Variants in TSHZ2 observed in about 807,000 individuals in gnomAD.
The protein encoded by TSHZ2 is teashirt homolog 2.
In TSHZ2, 21 loss-of-function variants were observed where a neutral mutation model predicts 74.4. That is an observed-to-expected ratio of 0.28 (90% CI 0.20 to 0.41). The LOEUF is 0.41. TSHZ2 is among the 10% of genes least tolerant of loss of function. TSHZ2 has a pLI of 1.00. For missense variants in TSHZ2, 1,244 were observed against 1,293.5 expected (o/e 0.96, Z 0.59); for synonymous variants, 540 against 515.3 (o/e 1.05, Z -0.65).
intron 2 of TSHZ2, among the ~76,000 whole-genome samples, chr20:53,431,844 T>A (rs1455914140): frequency 6.6e-6 from 1 of 152,196 alleles, no homozygotes; most frequent in Non-Finnish European, 1.5e-5. Flanking sequence ...AAAATACACA[T>A]AATAAAAACA....
At chr20:53,192,136 C>T (rs1314625298) in intron 1 of TSHZ2, among the ~76,000 whole-genome samples, 1 of 152,060 alleles carries the variant, frequency 6.6e-6, no homozygotes, top group Non-Finnish European at 1.5e-5. Context: ...AATGGAGGCT[C>T]AGAGTGGTTG....
chr20:53,160,745 C>CAAAAAAAAAAAAAAAAAAAAAAAAAAAA (rs10653039), intron 1 of TSHZ2, among the ~76,000 whole-genome samples: 17 of 95,830 alleles, frequency 1.8e-4, no homozygotes, highest in African/African-American at 7.2e-4. Context: ...ACTCTGTCTC[C>CAAAAAAAAAAAAAAAAAAAAAAAAAAAA]AAAAAAAAAA....
intron 2 of TSHZ2, among the ~76,000 whole-genome samples, chr20:53,456,497 T>A (rs1304692773): frequency 7.7e-6 from 1 of 129,924 alleles, no homozygotes; most frequent in African/African-American, 3.1e-5. Context: ...TTTTCTCCCA[T>A]TTTGTAGGTT....
chr20:53,097,488 A>G (rs1221195531), intron 1 of TSHZ2, among the ~76,000 whole-genome samples: 1 of 152,078 alleles, frequency 6.6e-6, no homozygotes, highest in Non-Finnish European at 1.5e-5. Flanking sequence ...CCTAGATCAC[A>G]CTTGTTCTAT....
At chr20:53,118,058 A>G (rs1289675341) in intron 1 of TSHZ2, among the ~76,000 whole-genome samples, 2 of 152,204 alleles carry the variant, frequency 1.3e-5, no homozygotes, top group African/African-American at 4.8e-5. Context: ...CAGTGATGGA[A>G]TTTGCTCTTG....
At chr20:53,348,137 C>A (rs1174684028) in intron 2 of TSHZ2, among the ~76,000 whole-genome samples, 1 of 152,178 alleles carries the variant, frequency 6.6e-6, no homozygotes, top group African/African-American at 2.4e-5. Context: ...CCAGCAATTC[C>A]ATTCCTAGGC....
intron 1 of TSHZ2, among the ~76,000 whole-genome samples, chr20:53,046,296 A>G (rs1380609018): frequency 1.3e-5 from 2 of 151,718 alleles, no homozygotes; most frequent in Admixed American, 6.6e-5. Flanking sequence ...ATGTTCTAGA[A>G]CCCTCCACAG....
chr20:52,982,012 A>T (rs1445077780), intron 1 of TSHZ2, among the ~76,000 whole-genome samples: 1 of 152,220 alleles, frequency 6.6e-6, no homozygotes, highest in African/African-American at 2.4e-5. Context: ...AGGAAAAGAT[A>T]ATTTCAGTAT....
At chr20:53,064,709 A>G (rs200147306) in intron 1 of TSHZ2, among the ~76,000 whole-genome samples, 1 of 112,586 alleles carries the variant, frequency 8.9e-6, no homozygotes, top group African/African-American at 4.0e-5. Flanking sequence ...CACACACACA[A>G]TTGTGTGAAG....
intron 1 of TSHZ2, among the ~76,000 whole-genome samples, chr20:53,157,196 A>G (rs1168148099): frequency 6.6e-6 from 1 of 152,182 alleles, no homozygotes; most frequent in Non-Finnish European, 1.5e-5. Context: ...TATGCTTGAA[A>G]TTTAGTAATT....
At chr20:53,225,054 C>T (rs1989653803) in intron 1 of TSHZ2, among the ~76,000 whole-genome samples, 1 of 152,126 alleles carries the variant, frequency 6.6e-6, no homozygotes, top group Non-Finnish European at 1.5e-5. Context: ...TCCACTCTGC[C>T]CTTGTAGCAC....
chr20:53,284,312 T>C (rs1991122045), intron 2 of TSHZ2, among the ~76,000 whole-genome samples: 1 of 152,210 alleles, frequency 6.6e-6, no homozygotes, highest in Admixed American at 6.5e-5. Flanking sequence ...GCATAGTTAA[T>C]ATTAAAAATG....
intron 1 of TSHZ2, among the ~76,000 whole-genome samples, chr20:53,140,578 G>A (rs1281245812): frequency 2.7e-5 from 4 of 147,420 alleles, no homozygotes; most frequent in Admixed American, 1.3e-4. Flanking sequence ...GGACAGTCAC[G>A]AAGACCTGAA....
intron 1 of TSHZ2, among the ~76,000 whole-genome samples, chr20:53,014,478 G>A (rs1266542819): frequency 6.6e-6 from 1 of 152,128 alleles, no homozygotes; most frequent in Non-Finnish European, 1.5e-5. Context: ...CATTAGTTAT[G>A]AACCAGGAGC....
In TSHZ2 at chr20:53,356,357, T is replaced by C. The variant is rs1361364026; in HGVS notation, c.*8+99786T>C. 2.0e-5 allele frequency among the ~76,000 whole-genome samples: 3 copies of C among 152,298 alleles called. No individual in the cohort carries two copies. In the East Asian group the frequency reaches 5.8e-4, roughly 29 times the overall value. ...CACCAGAGCTTGAAATCTTAACCACTGCCCTACCCTTGAAAGTAGGACTAG... is the reference window on the plus strand; with the variant it reads ...CACCAGAGCTTGAAATCTTAACCACCGCCCTACCCTTGAAAGTAGGACTAG... On this transcript the variant is annotated intron_variant, in intron 2 of 2. Transcript: ENST00000371497.
chr20:53,479,622 G>T (rs1314023573), intron 2 of TSHZ2, among the ~76,000 whole-genome samples: 1 of 152,230 alleles, frequency 6.6e-6, no homozygotes, highest in African/African-American at 2.4e-5. Flanking sequence ...TACAATGTGT[G>T]TTAAACTGTG....
At chr20:53,123,468 T>C (rs1986868016) in intron 1 of TSHZ2, among the ~76,000 whole-genome samples, 1 of 152,192 alleles carries the variant, frequency 6.6e-6, no homozygotes. Context: ...TCAACTATGA[T>C]GGCTAGGACA....
chr20:53,065,123 G>C (rs528375369), intron 1 of TSHZ2, among the ~76,000 whole-genome samples: 1 of 152,126 alleles, frequency 6.6e-6, no homozygotes, highest in Non-Finnish European at 1.5e-5. Flanking sequence ...CATTCGCCTC[G>C]TCTGCAGGAT....
intron 2 of TSHZ2, among the ~76,000 whole-genome samples, chr20:53,325,988 G>A (rs1216919728): frequency 6.6e-6 from 1 of 152,026 alleles, no homozygotes; most frequent in African/African-American, 2.4e-5. Context: ...TTACCATGTT[G>A]GCTAGGCTGG....
Sources: gnomAD v4.1 joint callset for allele counts (sites outside exome capture counted in the v4.1 genomes callset) on GRCh38, gnomAD v4.1.1 for gene constraint, MANE v1.5 for transcripts, NCBI Gene and HGNC (gene_info 2026-07-23, HGNC 2026-07-21) for gene names.